Variants in METTL21A observed in about 807,000 individuals in gnomAD.
METTL21A encodes the protein methyltransferase 21A, HSPA lysine.
METTL21A carries 22 observed loss-of-function variants against 20.9 expected under a neutral mutation model. The observed-to-expected ratio is 1.05, with a 90% CI of 0.75 to 1.50. The LOEUF (loss-of-function observed/expected upper bound fraction) is 1.50, where lower values mean the gene tolerates loss of function less well. Ranked by LOEUF, METTL21A falls within the 40% of genes most tolerant of loss-of-function variation. The probability of loss-of-function intolerance (pLI) is 0.00; values close to 1 mark genes in which losing one functional copy is unlikely to be tolerated. For synonymous variants in METTL21A, 93 were observed against 102.0 expected, an observed-to-expected ratio of 0.91 and a Z score of 0.53; for missense variants, 271 against 266.8, an observed-to-expected ratio of 1.02 and a Z score of -0.11.
upstream of METTL21A, chr2:207,625,979 G>GGGTCGGC (rs1450270909): frequency 6.6e-6 from 1 of 152,376 alleles, no homozygotes; most frequent in East Asian, 1.9e-4. Flanking sequence ...AGTGGGGCGG[G>GGGTCGGC]GGTCGGCGGG....
At chr2:207,595,086 C>T (rs535617009) in intron 3 of METTL21A, among the ~76,000 whole-genome samples, 1 of 150,412 alleles carries the variant, frequency 6.6e-6, no homozygotes, top group South Asian at 2.1e-4. Context: ...ACCTCTGCCT[C>T]CCGGGTTTAA....
At chr2:207,622,695 T>C (rs995891199) in intron 2 of METTL21A, among the ~76,000 whole-genome samples, 3 of 152,212 alleles carry the variant, frequency 2.0e-5, no homozygotes, top group Non-Finnish European at 4.4e-5. Context: ...GCCCTCACCA[T>C]ACGTTTTGGG....
intron 3 of METTL21A, among the ~76,000 whole-genome samples, chr2:207,583,163 TC>T (rs2083243993): frequency 1.3e-5 from 2 of 152,166 alleles, no homozygotes; most frequent in Non-Finnish European, 2.9e-5. Context: ...ATAGGGGGAT[TC>T]ATATAGGTTA....
At chr2:207,588,892 G>C (rs1192672744) in intron 3 of METTL21A, among the ~76,000 whole-genome samples, 5 of 144,224 alleles carry the variant, frequency 3.5e-5, no homozygotes, top group Admixed American at 3.5e-4. Flanking sequence ...GCTTTGTCGG[G>C]GGGGGTGTAG....
chr2:207,582,691 T>C (rs938593907), intron 3 of METTL21A, among the ~76,000 whole-genome samples: 3 of 152,076 alleles, frequency 2.0e-5, no homozygotes, highest in Admixed American at 6.6e-5. Context: ...AGTTCCTTTA[T>C]TAGAAAATGG....
At chr2:207,595,055 G>A (rs1459709624) in intron 3 of METTL21A, among the ~76,000 whole-genome samples, 2 of 149,522 alleles carry the variant, frequency 1.3e-5, no homozygotes, top group Non-Finnish European at 3.0e-5. Flanking sequence ...GAGTGCCGTG[G>A]TGCAATCTCG....
upstream of METTL21A, chr2:207,625,641 C>T (rs1269864957): frequency 2.0e-5 from 3 of 152,260 alleles, no homozygotes; most frequent in African/African-American, 7.2e-5. Context: ...CATGGGGTGC[C>T]CTGGGCTCTC....
chr2:207,623,010 C>A (rs1162631766), intron 2 of METTL21A, among the ~76,000 whole-genome samples: 1 of 151,864 alleles, frequency 6.6e-6, no homozygotes, highest in East Asian at 1.9e-4. Context: ...CAGGTTCAAG[C>A]GATTCTCCTG....
chr2:207,613,475 T>C (rs750245266), intron 3 of METTL21A, 32 bp from the exon 4 acceptor site: 3 of 1,529,306 alleles, frequency 2.0e-6, no homozygotes, highest in Non-Finnish European at 2.6e-6. Context: ...AAGTGATGTG[T>C]ACATCAGTAC....
intron 3 of METTL21A, among the ~76,000 whole-genome samples, chr2:207,613,743 G>A (rs573443224): frequency 6.6e-6 from 1 of 152,326 alleles, no homozygotes; most frequent in African/African-American, 2.4e-5. Context: ...CAGCACTTTG[G>A]GAGGCCAAAG....
chr2:207,621,725 C>T (rs1214557606), intron 3 of METTL21A, 81 bp downstream of exon 3: 2 of 1,226,102 alleles, frequency 1.6e-6, no homozygotes, highest in Non-Finnish European at 2.4e-6. Context: ...GGAAAACCCA[C>T]GAAGGGTTTT....
downstream of METTL21A, chr2:207,580,881 G>C (rs961184377): frequency 9.1e-6 from 2 of 218,904 alleles, no homozygotes; most frequent in African/African-American, 2.2e-5. Context: ...TTGAGAAAAG[G>C]GCAATGCTTT....
downstream of METTL21A, among the ~76,000 whole-genome samples, chr2:207,606,548 C>T (rs1454387770): frequency 6.6e-6 from 1 of 152,168 alleles, no homozygotes; most frequent in East Asian, 1.9e-4. Context: ...CTGTTTATGT[C>T]AGTGCTAAGA....
At chr2:207,619,305 C>T (rs1213758938) in intron 3 of METTL21A, among the ~76,000 whole-genome samples, 1 of 151,708 alleles carries the variant, frequency 6.6e-6, no homozygotes, top group Non-Finnish European at 1.5e-5. Context: ...GTGGGTTCTC[C>T]CCAAATTCAG....
chr2:207,594,449 G>A lies in METTL21A; in HGVS notation c.260-12289C>T, dbSNP rs549600401. Among the ~76,000 whole-genome samples the A allele has an allele frequency of 2.0e-5, 3 of 152,266 alleles. No individual in the cohort carries two copies. In the South Asian group the frequency reaches 6.2e-4, roughly 32 times the overall value. Reference sequence around the variant, plus strand: ...GTTTCTATGAATTTGATTGACTTTAGATGCCTCATAAGAGAAATTACACAA... The same window carrying A: ...GTTTCTATGAATTTGATTGACTTTAAATGCCTCATAAGAGAAATTACACAA... On this transcript the variant is annotated intron_variant, in intron 3 of 3. Transcript: ENST00000425132.
intron 3 of METTL21A, among the ~76,000 whole-genome samples, 166 bp from the exon 4 acceptor site, chr2:207,613,609 C>T (rs2106994099): frequency 6.6e-6 from 1 of 152,298 alleles, no homozygotes; most frequent in South Asian, 2.1e-4. Flanking sequence ...ACTCACAGCT[C>T]CTTTTGCATT....
intron 3 of METTL21A, among the ~76,000 whole-genome samples, chr2:207,603,938 TTTCTTCACTGCCA>T (rs1407897751): frequency 6.6e-6 from 1 of 152,210 alleles, no homozygotes. Context: ...TATTTGTATG[TTTCTTCACTGCCA>T]AGATGTGTTC....
At chr2:207,600,759 GC>G (rs1473188938) in intron 3 of METTL21A, 1 of 210,098 alleles carries the variant, frequency 4.8e-6, no homozygotes. Flanking sequence ...ATGTCATCTG[GC>G]TGAAGTTTAT....
At chr2:207,613,468 T>G in intron 3 of METTL21A, 25 bp from the exon 4 acceptor site, 1 of 1,549,588 alleles carries the variant, frequency 6.5e-7, no homozygotes, top group South Asian at 1.3e-5. Context: ...AAAGAAAAAG[T>G]GATGTGTACA....
Sources: allele counts gnomAD v4.1 joint callset (sites outside exome capture counted in the v4.1 genomes callset), GRCh38; gene constraint gnomAD v4.1.1; transcripts MANE v1.5; gene names NCBI Gene and HGNC (gene_info 2026-07-23, HGNC 2026-07-21).